Variants in CDH2 observed in about 807,000 individuals in gnomAD.
CDH2 encodes cadherin-2.
A neutral mutation model predicts 92.0 loss-of-function variants in CDH2; 17 were observed. The ratio of observed to expected loss-of-function variants is 0.18; its 90% CI spans 0.13 to 0.28. CDH2 has a LOEUF of 0.28. CDH2 is among the 10% of genes least tolerant of loss of function. CDH2 has a pLI of 1.00. For missense variants in CDH2, 862 were observed against 1,133.1 expected (o/e 0.76, Z 3.44); for synonymous variants, 419 against 415.9 (o/e 1.01, Z -0.09).
At chr18:28,020,618 T>TAAA (rs2013383915) in intron 2 of CDH2, among the ~76,000 whole-genome samples, 1 of 151,998 alleles carries the variant, frequency 6.6e-6, no homozygotes, top group African/African-American at 2.4e-5. Context: ...TTTTTCAAAA[T>TAAA]ATGAAGCAGT....
chr18:28,095,827 A>G (rs1308998666), intron 2 of CDH2, among the ~76,000 whole-genome samples: 4 of 150,188 alleles, frequency 2.7e-5, no homozygotes, highest in South Asian at 4.2e-4. Context: ...AAAAAAAAAG[A>G]AAGAAAAGAG....
intron 14 of CDH2, among the ~76,000 whole-genome samples, chr18:27,975,737 TACC>T (rs2011805369): frequency 3.9e-5 from 6 of 152,150 alleles, no homozygotes; most frequent in Non-Finnish European, 7.4e-5. Context: ...GCCTTTTGGG[TACC>T]CACACTTGGT....
At chr18:27,965,132 T>A (rs2011503178) in intron 14 of CDH2, among the ~76,000 whole-genome samples, 2 of 152,188 alleles carry the variant, frequency 1.3e-5, no homozygotes, top group South Asian at 4.1e-4. Flanking sequence ...TTGCCCAAGG[T>A]CACACAGCTA....
intron 14 of CDH2, among the ~76,000 whole-genome samples, chr18:27,970,413 A>G (rs1017780694): frequency 1.3e-5 from 2 of 152,242 alleles, no homozygotes; most frequent in Non-Finnish European, 2.9e-5. Flanking sequence ...TCTCAGAGAA[A>G]ACATAAAAAT....
intron 2 of CDH2, among the ~76,000 whole-genome samples, chr18:28,033,271 A>AT (rs1265854471): frequency 6.6e-6 from 1 of 152,002 alleles, no homozygotes; most frequent in Non-Finnish European, 1.5e-5. Context: ...TTTGGGAAGT[A>AT]TTTTTTCAAG....
At chr18:28,103,469 ATG>A (rs2015267877) in intron 2 of CDH2, among the ~76,000 whole-genome samples, 2 of 104,298 alleles carry the variant, frequency 1.9e-5, no homozygotes, top group African/African-American at 7.4e-5. Context: ...CACATAAAGT[ATG>A]TATATATATA....
At chr18:28,022,463 GTAT>G (rs930925676) in intron 2 of CDH2, among the ~76,000 whole-genome samples, 2 of 151,936 alleles carry the variant, frequency 1.3e-5, no homozygotes, top group Non-Finnish European at 2.9e-5. Flanking sequence ...AAATACCTTT[GTAT>G]GTCTCCTGAT....
chr18:28,112,865 C>T (rs1253009632), intron 2 of CDH2, among the ~76,000 whole-genome samples: 1 of 152,072 alleles, frequency 6.6e-6, no homozygotes, highest in Non-Finnish European at 1.5e-5. Flanking sequence ...AGAGTGTATC[C>T]TAATTCTCTT....
chr18:28,060,339 C>T (rs938586071), intron 2 of CDH2, among the ~76,000 whole-genome samples: 1 of 152,090 alleles, frequency 6.6e-6, no homozygotes, highest in East Asian at 1.9e-4. Context: ...GCGCGTGCTA[C>T]CATACCCAGC....
chr18:28,160,238 C>T (rs1292896499), intron 1 of CDH2, among the ~76,000 whole-genome samples: 2 of 151,780 alleles, frequency 1.3e-5, no homozygotes, highest in African/African-American at 2.4e-5. Flanking sequence ...GGATGCACAG[C>T]GACCTTAGCC....
At position 28,057,930 on chromosome 18, in the gene CDH2, T is replaced by C. The variant is rs115722702; in HGVS notation, c.173-44021A>G. ...GGAGTAGAAAAAATAATACAAGTCATGGAAAAAATATTGGTTTGGTGATTG... is the reference window on the plus strand; with the variant it reads ...GGAGTAGAAAAAATAATACAAGTCACGGAAAAAATATTGGTTTGGTGATTG... On this transcript the variant is annotated intron_variant, in intron 2 of 15. Coordinates refer to ENST00000269141, the MANE Select transcript of CDH2 (RefSeq NM_001792.5). 3.4e-3 allele frequency among the ~76,000 whole-genome samples: 514 copies of C among 152,186 alleles called. 2 individuals carry two copies. Among genetic ancestry groups the C allele is most frequent in the African/African-American group, 0.011 (466 of 41,514 alleles).
chr18:28,003,834 A>C (rs921266098), intron 6 of CDH2, among the ~76,000 whole-genome samples: 3 of 152,228 alleles, frequency 2.0e-5, no homozygotes, highest in Non-Finnish European at 1.5e-5. Context: ...CTTTGTATCG[A>C]ATTAGTTCAA....
At chr18:28,148,385 G>A (rs2016070513) in intron 1 of CDH2, among the ~76,000 whole-genome samples, 1 of 152,144 alleles carries the variant, frequency 6.6e-6, no homozygotes, top group Admixed American at 6.5e-5. Flanking sequence ...ATACAACTAT[G>A]TTTTTACACT....
intron 11 of CDH2, among the ~76,000 whole-genome samples, chr18:27,987,529 C>T (rs2012273571): frequency 6.6e-6 from 1 of 152,120 alleles, no homozygotes; most frequent in South Asian, 2.1e-4. Flanking sequence ...AAATTGCAAA[C>T]ACCAACTTCA....
intron 2 of CDH2, among the ~76,000 whole-genome samples, chr18:28,144,658 A>T (rs1457146581): frequency 1.3e-5 from 2 of 152,090 alleles, no homozygotes; most frequent in East Asian, 3.9e-4. Flanking sequence ...TATGTTCAAA[A>T]ATAGAGGCAC....
intron 14 of CDH2, 198 bp from the exon 15 acceptor site, chr18:27,963,719 TAC>T: frequency 1.8e-6 from 1 of 562,602 alleles, no homozygotes. Flanking sequence ...TTTTCATTTC[TAC>T]AGTCTGTGCT....
intron 2 of CDH2, among the ~76,000 whole-genome samples, chr18:28,072,217 C>G (rs2014631328): frequency 6.6e-6 from 1 of 151,970 alleles, no homozygotes; most frequent in Admixed American, 6.6e-5. Flanking sequence ...GGGTGTGTTC[C>G]TAGGCACCCT....
chr18:27,984,298 C>T (rs2957285), intron 13 of CDH2, among the ~76,000 whole-genome samples: 149,792 of 152,300 alleles, frequency 0.98, 73,740 homozygotes, highest in East Asian at 1. Context: ...CAATAAAACA[C>T]AGGGCCCAGG....
rs998827292 is a variant in CDH2, at chr18:27,942,720, G to A, written c.1152-9596C>T. Among the ~76,000 whole-genome samples, 17 of 152,260 alleles carry A rather than the reference G, an allele frequency of 1.1e-4. No individual in the cohort carries two copies. The East Asian group carries it at 1.5e-3, about 14-fold the overall frequency. On this transcript the variant is annotated intron_variant, in intron 6 of 6. Transcript: ENST00000675173. ...CAGACTACATGTTCCCCCAGAGCCC[G>A]GAAATGTTACTTTGATTTCCAAAAT...
Sources: gnomAD v4.1 joint callset for allele counts (sites outside exome capture counted in the v4.1 genomes callset) on GRCh38, gnomAD v4.1.1 for gene constraint, MANE v1.5 for transcripts, NCBI Gene and HGNC (gene_info 2026-07-23, HGNC 2026-07-21) for gene names.